The following RNF220 variants were observed in gnomAD, a reference collection of about 807,000 sequenced individuals.
RNF220 encodes the protein E3 ubiquitin-protein ligase RNF220.
Under a neutral mutation model 67.1 loss-of-function variants are expected in RNF220, and 7 were observed. The observed-to-expected ratio is 0.10, with a 90% CI of 0.06 to 0.20. RNF220 has a LOEUF of 0.20. Ranked by LOEUF, RNF220 falls within the 10% of genes least tolerant of loss-of-function variation. The probability of loss-of-function intolerance (pLI) is 1.00; values close to 1 mark genes in which losing one functional copy is unlikely to be tolerated. For synonymous variants in RNF220, 270 were observed against 283.2 expected (o/e 0.95, Z 0.47); for missense variants, 565 against 740.3 (o/e 0.76, Z 2.75).
At chr1:44,431,682 A>G (rs1446418856) in intron 2 of RNF220, among the ~76,000 whole-genome samples, 2 of 152,134 alleles carry the variant, frequency 1.3e-5, no homozygotes, top group Non-Finnish European at 2.9e-5. Flanking sequence ...GGAGTGGGCA[A>G]GAAGACTACA....
chr1:44,528,849 G>A (rs1261766921), intron 2 of RNF220, among the ~76,000 whole-genome samples: 1 of 146,368 alleles, frequency 6.8e-6, no homozygotes, highest in African/African-American at 2.5e-5. Flanking sequence ...CCTGACCTCA[G>A]GCGATCCACC....
chr1:44,575,490 G>A (rs1664739964), intron 2 of RNF220, among the ~76,000 whole-genome samples: 1 of 152,064 alleles, frequency 6.6e-6, no homozygotes, highest in African/African-American at 2.4e-5. Context: ...GTGGGCAAAG[G>A]ACATGAACAG....
chr1:44,649,682 GACC>G lies in RNF220; in HGVS notation c.1470_1472del (p.Thr491del). 3 of 1,614,012 alleles carry G rather than the reference GACC, an allele frequency of 1.9e-6. No individual in the cohort carries two copies. Among genetic ancestry groups the G allele is most frequent in the Non-Finnish European group, 2.5e-6 (3 of 1,179,942 alleles). ...ACAGAATCACCGAAGATTCAGCTGT[GACC>G]ACGTTTGAGGCTCTGAAGGCTCGGG... On this transcript the variant is annotated inframe_deletion, in exon 13 of 15. Transcript: ENST00000361799. The surrounding 1 kb of genome is among the most constrained non-coding windows in gnomAD (Gnocchi z 5.9).
At chr1:44,629,058 A>G (rs1209346744) in intron 5 of RNF220, among the ~76,000 whole-genome samples, 1 of 152,236 alleles carries the variant, frequency 6.6e-6, no homozygotes, top group Non-Finnish European at 1.5e-5. Flanking sequence ...TGGAAAGTCT[A>G]AAATGGCCTC....
chr1:44,537,010 AGT>A (rs1558021952), intron 2 of RNF220, among the ~76,000 whole-genome samples: 1 of 126,916 alleles, frequency 7.9e-6, no homozygotes, highest in Admixed American at 1.0e-4. Context: ...CTCAGTAATT[AGT>A]ATGCAAATTA....
At chr1:44,439,395 T>A (rs1327591390) in intron 2 of RNF220, among the ~76,000 whole-genome samples, 1 of 152,120 alleles carries the variant, frequency 6.6e-6, no homozygotes, top group African/African-American at 2.4e-5. Context: ...CTTTTTCTAA[T>A]TGATTTTAAG....
At chr1:44,531,529 C>G in intron 2 of RNF220, among the ~76,000 whole-genome samples, 1 of 152,318 alleles carries the variant, frequency 6.6e-6, no homozygotes, top group Non-Finnish European at 1.5e-5. Context: ...AGGCCAAAGT[C>G]TTTTCCTTAT....
chr1:44,609,210 T>A (rs1016523843), intron 2 of RNF220, among the ~76,000 whole-genome samples: 1 of 152,024 alleles, frequency 6.6e-6, no homozygotes, highest in Non-Finnish European at 1.5e-5. Flanking sequence ...ACACACATAC[T>A]CTTAAAAGTC....
At chr1:44,493,218 A>G (rs1657012342) in intron 2 of RNF220, among the ~76,000 whole-genome samples, 1 of 152,250 alleles carries the variant, frequency 6.6e-6, no homozygotes, top group South Asian at 2.1e-4. Flanking sequence ...TGTAAGGTAT[A>G]TGTAAAACAT....
intron 2 of RNF220, among the ~76,000 whole-genome samples, chr1:44,497,177 C>CA (rs1035525684): frequency 8.7e-4 from 132 of 152,242 alleles, no homozygotes; most frequent in African/African-American, 3.2e-3. Flanking sequence ...ATTCCCAAGG[C>CA]ATCTCTAGAG....
intron 2 of RNF220, among the ~76,000 whole-genome samples, chr1:44,529,441 C>G (rs2148185840): frequency 6.6e-6 from 1 of 152,098 alleles, no homozygotes; most frequent in Middle Eastern, 3.4e-3. Context: ...GTGGCACGAT[C>G]CTGGCTCACT....
intron 2 of RNF220, among the ~76,000 whole-genome samples, chr1:44,464,973 C>T (rs989748357): frequency 2.6e-5 from 4 of 152,306 alleles, no homozygotes; most frequent in Admixed American, 1.3e-4. Flanking sequence ...CTGGCTCCTT[C>T]ATTATACTGA....
At chr1:44,500,818 C>G (rs544813604) in intron 2 of RNF220, among the ~76,000 whole-genome samples, 1 of 152,162 alleles carries the variant, frequency 6.6e-6, no homozygotes, top group Non-Finnish European at 1.5e-5. Context: ...GGAGGAGCTC[C>G]ATCTGGTGTC....
chr1:44,482,422 G>A (rs1466507249), intron 2 of RNF220, among the ~76,000 whole-genome samples: 1 of 152,066 alleles, frequency 6.6e-6, no homozygotes, highest in Non-Finnish European at 1.5e-5. Context: ...ACTCCAGTCC[G>A]TTCACCTTTT....
At chr1:44,592,582 C>T (rs916065346) in intron 2 of RNF220, among the ~76,000 whole-genome samples, 9 of 152,210 alleles carry the variant, frequency 5.9e-5, no homozygotes, top group Non-Finnish European at 1.0e-4. Context: ...CATACCTGCT[C>T]TGTGATTCCC....
intron 2 of RNF220, among the ~76,000 whole-genome samples, chr1:44,512,674 G>A (rs1282287420): frequency 6.6e-6 from 1 of 152,228 alleles, no homozygotes; most frequent in Non-Finnish European, 1.5e-5. Context: ...GATTAAAGGA[G>A]CTAAATCTGT....
chr1:44,615,230 C>A (rs187087047), intron 3 of RNF220, among the ~76,000 whole-genome samples: 1 of 152,242 alleles, frequency 6.6e-6, no homozygotes, highest in East Asian at 1.9e-4. Context: ...AATGTTCCAG[C>A]CAACGAGATG....
At chr1:44,455,889 G>A (rs1041049305) in intron 2 of RNF220, among the ~76,000 whole-genome samples, 1 of 152,170 alleles carries the variant, frequency 6.6e-6, no homozygotes, top group Non-Finnish European at 1.5e-5. Flanking sequence ...CACCTGAACC[G>A]ATCTCAGAAC....
intron 8 of RNF220, chr1:44,636,403 G>T (rs866564926): frequency 2.8e-6 from 2 of 724,772 alleles, no homozygotes; most frequent in Middle Eastern, 4.6e-4. Context: ...GTGACGAAGG[G>T]GGGCTCTCAG....
Sources: allele counts gnomAD v4.1 joint callset (sites outside exome capture counted in the v4.1 genomes callset), GRCh38; gene constraint gnomAD v4.1.1; non-coding constraint Gnocchi (gnomAD v3.1); transcripts MANE v1.5; gene names NCBI Gene and HGNC (gene_info 2026-07-23, HGNC 2026-07-21).